Variants in SNX29 observed in about 807,000 individuals in gnomAD.
SNX29 encodes sorting nexin-29.
Under a neutral mutation model 102.1 loss-of-function variants are expected in SNX29, and 78 were observed. The observed-to-expected ratio is 0.76, with a 90% CI of 0.64 to 0.92. SNX29 has a LOEUF of 0.92. Among genes scored for constraint, SNX29 ranks in the 40% least tolerant of loss-of-function variants. The probability of loss-of-function intolerance (pLI) is 0.00; values close to 1 mark genes in which losing one functional copy is unlikely to be tolerated. For missense variants in SNX29, 1,280 were observed against 1,061.7 expected (o/e 1.21, Z -2.86); for synonymous variants, 580 against 414.5 (o/e 1.40, Z -4.85).
At position 11,993,007 on chromosome 16, in the gene SNX29, C is replaced by CA. The variant is rs565784774; in HGVS notation, c.8-6282dup. On this transcript the variant is annotated intron_variant, in intron 1 of 20. Coordinates refer to ENST00000566228, the MANE Select transcript of SNX29 (RefSeq NM_032167.5). ...CGAAACCCCATCTCTACTAAAAATACAAAAAAAATTAGCCAAGCGTGGTGG... is the reference window on the plus strand; with the variant it reads ...CGAAACCCCATCTCTACTAAAAATACAAAAAAAAATTAGCCAAGCGTGGTGG... Among the ~76,000 whole-genome samples the CA allele has an allele frequency of 5.3e-3, 803 of 151,424 alleles. 4 individuals carry two copies. The highest frequency in any genetic ancestry group is 0.018 in the African/African-American group (752 of 41,304).
chr16:12,380,911 C>CAATTT (rs1437404430), intron 16 of SNX29, among the ~76,000 whole-genome samples: 1 of 114,546 alleles, frequency 8.7e-6, no homozygotes, highest in Non-Finnish European at 1.8e-5. Context: ...CACCATCCAT[C>CAATTT]CATCCACCCA....
chr16:12,161,795 C>T (rs535020384), intron 13 of SNX29, among the ~76,000 whole-genome samples: 8 of 152,070 alleles, frequency 5.3e-5, no homozygotes, highest in South Asian at 4.2e-4. Context: ...GCCTGTGGCA[C>T]GCCAGTTCCC....
At chr16:12,246,148 A>G (rs1034668665) in intron 14 of SNX29, among the ~76,000 whole-genome samples, 1 of 152,194 alleles carries the variant, frequency 6.6e-6, no homozygotes, top group Non-Finnish European at 1.5e-5. Flanking sequence ...CAACTTTGTT[A>G]TCCTTCCGTT....
At chr16:12,001,772 C>T (rs184876421) in intron 2 of SNX29, among the ~76,000 whole-genome samples, 2 of 152,090 alleles carry the variant, frequency 1.3e-5, no homozygotes, top group Non-Finnish European at 2.9e-5. Flanking sequence ...AATCCCAGTG[C>T]TTTGAGAGGT....
chr16:12,101,783 A>G (rs116917526), intron 11 of SNX29, among the ~76,000 whole-genome samples: 1 of 152,118 alleles, frequency 6.6e-6, no homozygotes, highest in African/African-American at 2.4e-5. Context: ...TAATTTAAAT[A>G]TACTTTAAGT....
chr16:12,082,699 G>A (rs41430046), intron 11 of SNX29, among the ~76,000 whole-genome samples: 29,198 of 152,050 alleles, frequency 0.19, 3,044 homozygotes, highest in African/African-American at 0.27. Flanking sequence ...TGGTAGAAAC[G>A]TGGTCTGTGG....
intron 11 of SNX29, among the ~76,000 whole-genome samples, chr16:12,117,965 C>T (rs1217303363): frequency 6.6e-6 from 1 of 151,970 alleles, no homozygotes; most frequent in Non-Finnish European, 1.5e-5. Flanking sequence ...GGTGTGGTGG[C>T]ATGTGCCTGT....
intron 11 of SNX29, among the ~76,000 whole-genome samples, chr16:12,082,810 G>A (rs1249924719): frequency 6.6e-6 from 1 of 152,088 alleles, no homozygotes; most frequent in African/African-American, 2.4e-5. Context: ...TACCCTGGAT[G>A]TCATCCAGCA....
rs1338842452 is a variant in SNX29, at chr16:12,573,867, CTT to C, written c.*5239_*5240del. 2 of 210,222 alleles carry C rather than the reference CTT, an allele frequency of 9.5e-6. No homozygotes were observed. Among genetic ancestry groups the C allele is most frequent in the Non-Finnish European group, 1.9e-5 (2 of 103,436 alleles). 13.0% of individuals were successfully genotyped at this position (210,222 alleles called of 1,614,324 possible). ...CATCCTAAGAAGAATGTTGGCCTCT[CTT>C]CATCCCTGGCTTAGCCGTCAGGTAG... On this transcript the variant is annotated 3_prime_UTR_variant, in exon 21 of 21. Coordinates refer to ENST00000566228, the MANE Select transcript of SNX29 (RefSeq NM_032167.5).
chr16:12,207,303 AG>A (rs1283222498), intron 14 of SNX29, among the ~76,000 whole-genome samples: 2 of 152,214 alleles, frequency 1.3e-5, no homozygotes, highest in Non-Finnish European at 2.9e-5. Flanking sequence ...TGGGAGGCAG[AG>A]GCTGCAGTGA....
chr16:12,253,861 C>G (rs572332651), intron 14 of SNX29, among the ~76,000 whole-genome samples: 2 of 152,168 alleles, frequency 1.3e-5, no homozygotes, highest in African/African-American at 4.8e-5. Context: ...CAGAGAAGAG[C>G]TGGCAGGTGG....
chr16:12,490,430 GTTTA>G (rs1210957464), intron 19 of SNX29, among the ~76,000 whole-genome samples: 1 of 152,200 alleles, frequency 6.6e-6, no homozygotes, highest in East Asian at 1.9e-4. Context: ...ATACACCACA[GTTTA>G]TTTATCTTTT....
rs1176865525 is a variant in SNX29 at position 11,977,083 on chromosome 16, T to A, written c.7+270T>A. On this transcript the variant is annotated intron_variant, in intron 1 of 20. Coordinates refer to ENST00000566228, the MANE Select transcript of SNX29 (RefSeq NM_032167.5). The stretch of plus-strand genomic sequence containing the variant: ...CTCCTAAACCCCTGTCCCCAGTTGT[T>A]CCAGTCCTGCGATCCCCTTGCCTAG... The A allele has an allele frequency of 1.1e-5, 4 of 377,876 alleles. No homozygotes were observed. The Admixed American group carries it at 1.8e-4, about 17-fold the overall frequency. 23.4% of individuals were successfully genotyped at this position (377,876 alleles called of 1,614,324 possible).
chr16:12,333,088 T>C (rs1237370422), intron 15 of SNX29, among the ~76,000 whole-genome samples: 1 of 148,828 alleles, frequency 6.7e-6, no homozygotes, highest in Non-Finnish European at 1.5e-5. Flanking sequence ...TCACAAATGT[T>C]TTGCAGGCAA....
At chr16:12,478,059 A>G (rs2087738640) in intron 19 of SNX29, among the ~76,000 whole-genome samples, 200 bp downstream of exon 19, 1 of 152,214 alleles carries the variant, frequency 6.6e-6, no homozygotes, top group Non-Finnish European at 1.5e-5. Flanking sequence ...GTGTGTGTGT[A>G]TGTCCTCTTA....
intron 4 of SNX29, among the ~76,000 whole-genome samples, chr16:12,039,392 G>A (rs922854397): frequency 2.6e-5 from 4 of 152,132 alleles, no homozygotes; most frequent in African/African-American, 9.7e-5. Flanking sequence ...CTTTTTCTCT[G>A]TTGTCCTGCC....
rs1014417909 is a variant in SNX29, at chr16:11,999,288, G to A, written c.8-9G>A. On this transcript the variant is annotated splice_polypyrimidine_tract_variant and intron_variant, in intron 1 of 20. Coordinates refer to ENST00000566228, the MANE Select transcript of SNX29 (RefSeq NM_032167.5). ...CAGAGAGAACTAATTAAGCCTCATT[G>A]CATTTTAGGATCACAGAACAATGAC... The A allele has an allele frequency of 5.0e-6, 8 of 1,613,906 alleles. No homozygotes were observed. The highest frequency in any genetic ancestry group is 6.8e-6 in the Non-Finnish European group (8 of 1,179,848).
At chr16:12,436,417 G>A (rs915743642) in intron 18 of SNX29, among the ~76,000 whole-genome samples, 1 of 152,244 alleles carries the variant, frequency 6.6e-6, no homozygotes, top group East Asian at 1.9e-4. Context: ...TGTGTAAGGT[G>A]TGCTGCTGCC....
chr16:12,349,908 A>G (rs1032422154), intron 15 of SNX29, among the ~76,000 whole-genome samples: 1 of 152,210 alleles, frequency 6.6e-6, no homozygotes, highest in Admixed American at 6.5e-5. Flanking sequence ...CTTTCAATTC[A>G]TTGCAGAATG....
Sources: allele counts gnomAD v4.1 joint callset (sites outside exome capture counted in the v4.1 genomes callset), GRCh38; gene constraint gnomAD v4.1.1; transcripts MANE v1.5; gene names NCBI Gene and HGNC (gene_info 2026-07-23, HGNC 2026-07-21).